Variants in RNF220 observed in about 807,000 individuals in gnomAD.
RNF220 encodes E3 ubiquitin-protein ligase RNF220.
In RNF220, 7 loss-of-function variants were observed where a neutral mutation model predicts 67.1. The ratio of observed to expected loss-of-function variants is 0.10; its 90% CI spans 0.06 to 0.20. The LOEUF is 0.20. RNF220 is among the 10% of genes least tolerant of loss of function. The pLI is 1.00. For synonymous variants in RNF220, 270 were observed against 283.2 expected, an observed-to-expected ratio of 0.95 and a Z score of 0.47; for missense variants, 565 against 740.3, an observed-to-expected ratio of 0.76 and a Z score of 2.75.
chr1:44,494,302 C>A (rs1056952780), intron 2 of RNF220, among the ~76,000 whole-genome samples: 3 of 150,668 alleles, frequency 2.0e-5, no homozygotes, highest in Admixed American at 6.6e-5. Context: ...AGAGACATTA[C>A]GGGGCTAGAC....
In RNF220 at chr1:44,645,551, T is replaced by C; in HGVS notation, c.1445+63T>C. 1 of 1,531,648 alleles carries C rather than the reference T, an allele frequency of 6.5e-7. No individual in the cohort carries two copies. Among genetic ancestry groups the C allele is most frequent in the Non-Finnish European group, 9.0e-7 (1 of 1,113,118 alleles). The allele number at this position is 1,531,648 out of a possible 1,614,324, so 94.9% of individuals were successfully genotyped here. The stretch of plus-strand genomic sequence containing the variant: ...TTCAGTGGGAGGAGGGGCCCTTTGC[T>C]AGCAGGAAGGCCTGCTGCCAGGGCT... On this transcript the variant is annotated intron_variant, in intron 12 of 14. Transcript: ENST00000361799. The surrounding 1 kb of genome is among the most constrained non-coding windows in gnomAD (Gnocchi z 5.0).
At chr1:44,595,810 C>A (rs1558076197) in intron 2 of RNF220, among the ~76,000 whole-genome samples, 1 of 152,080 alleles carries the variant, frequency 6.6e-6, no homozygotes, top group Non-Finnish European at 1.5e-5. Flanking sequence ...GTCGCCCAGG[C>A]TGGAGTGCAG....
At chr1:44,586,953 T>C (rs1665742585) in intron 2 of RNF220, among the ~76,000 whole-genome samples, 1 of 152,076 alleles carries the variant, frequency 6.6e-6, no homozygotes, top group African/African-American at 2.4e-5. Flanking sequence ...ATCATAACAA[T>C]GATAATTAAA....
At chr1:44,408,173 G>T (rs115158920) in intron 1 of RNF220, among the ~76,000 whole-genome samples, 4,853 of 152,222 alleles carry the variant, frequency 0.032, 113 homozygotes, top group Middle Eastern at 0.078. Flanking sequence ...TTCCCTAAAA[G>T]AGTTGATTTT....
In RNF220 at chr1:44,636,042, T is replaced by A. The variant is rs572767325; in HGVS notation, c.1006T>A (p.Cys336Ser). ...KQDEGQREGS[C>S]MAEDDAVDIE... Reference sequence around the variant, plus strand: ...CTGCTCTTCACAGAGGGAAGGCTCCTGCATGGCTGAGGATGATGCTGTGGA... The same window carrying A: ...CTGCTCTTCACAGAGGGAAGGCTCCAGCATGGCTGAGGATGATGCTGTGGA... Residue 336 changes from cysteine (C) to serine (S), a missense_variant, in exon 8 of 15, where the codon TGC becomes AGC. Cys to Ser is a moderately radical substitution (Grantham distance 112, BLOSUM62 -1). Coordinates refer to ENST00000361799, the MANE Select transcript of RNF220 (RefSeq NM_018150.4). The A allele has an allele frequency of 1.9e-6, 3 of 1,614,236 alleles. No homozygotes were observed. The African/African-American group carries it at 4.0e-5, about 22-fold the overall frequency.
In RNF220 at chr1:44,622,691, T is replaced by C. The variant is rs767599537; in HGVS notation, c.759-51T>C. 5 of 1,540,786 alleles carry C rather than the reference T, an allele frequency of 3.2e-6. No individual in the cohort carries two copies. In the East Asian group the frequency reaches 6.7e-5, roughly 21 times the overall value. On this transcript the variant is annotated intron_variant, in intron 3 of 14. Transcript: ENST00000361799. The surrounding 1 kb of genome is among the most constrained non-coding windows in gnomAD (Gnocchi z 4.3). ...GTCTTCTTGCTACTCTACCGTTGCA[T>C]GCCCTGGGCAGCAGGTAGAATGGTT... is the stretch of plus-strand genomic sequence containing the variant.
intron 2 of RNF220, among the ~76,000 whole-genome samples, chr1:44,474,535 C>T (rs925814951): frequency 6.6e-6 from 1 of 151,400 alleles, no homozygotes; most frequent in Non-Finnish European, 1.5e-5. Context: ...ACAGCAAGAC[C>T]CTGTCTCTTC....
intron 2 of RNF220, among the ~76,000 whole-genome samples, chr1:44,414,646 G>A (rs1572419499): frequency 6.6e-6 from 1 of 152,138 alleles, no homozygotes; most frequent in Non-Finnish European, 1.5e-5. Context: ...ACAGGAGTAC[G>A]CCTGGGTGGA....
rs760604843 is a variant in RNF220, at chr1:44,644,682, A to G, written c.1127-16A>G. 9.9e-6 allele frequency: 16 copies of G among 1,611,900 alleles called. No individual in the cohort carries two copies. The South Asian group carries it at 1.6e-4, about 17-fold the overall frequency. ...CGTCTTGTCCCCAGGCCCTCCTCAC[A>G]CCCTGCTTCCCACAGGCTCTGGCTT... On this transcript the variant is annotated splice_polypyrimidine_tract_variant and intron_variant, in intron 8 of 14. Coordinates refer to ENST00000361799, the MANE Select transcript of RNF220 (RefSeq NM_018150.4).
chr1:44,406,645 A>AGCCCCGCCACCGC (rs1302171003), intron 1 of RNF220, among the ~76,000 whole-genome samples: 1 of 152,126 alleles, frequency 6.6e-6, no homozygotes, highest in African/African-American at 2.4e-5. Flanking sequence ...CCCGGAACCC[A>AGCCCCGCCACCGC]GCCCCGCCAC....
intron 2 of RNF220, among the ~76,000 whole-genome samples, chr1:44,571,863 C>T (rs756441533): frequency 6.6e-6 from 1 of 152,184 alleles, no homozygotes; most frequent in Non-Finnish European, 1.5e-5. Flanking sequence ...AATGCCCATC[C>T]AGAAACCTGA....
chr1:44,574,120 A>G (rs1664641417), intron 2 of RNF220, among the ~76,000 whole-genome samples: 1 of 152,206 alleles, frequency 6.6e-6, no homozygotes, highest in Non-Finnish European at 1.5e-5. Context: ...TAAATGAATG[A>G]ATGGATGGAT....
At chr1:44,478,564 A>G (rs1655498152) in intron 2 of RNF220, among the ~76,000 whole-genome samples, 1 of 152,102 alleles carries the variant, frequency 6.6e-6, no homozygotes, top group African/African-American at 2.4e-5. Flanking sequence ...TCTACTAAAA[A>G]TACAAAAATT....
chr1:44,564,441 A>G (rs1663823480), intron 2 of RNF220, among the ~76,000 whole-genome samples: 1 of 152,060 alleles, frequency 6.6e-6, no homozygotes, highest in South Asian at 2.1e-4. Context: ...AGTTAATTCT[A>G]TTGTGCAGCC....
In RNF220 at chr1:44,505,474, C is replaced by T. The variant is rs1658331158; in HGVS notation, c.625+92752C>T. Among the ~76,000 whole-genome samples, 3 of 152,268 alleles carry T rather than the reference C, an allele frequency of 2.0e-5. 1 individual carries two copies. The South Asian group carries it at 6.2e-4, about 31-fold the overall frequency. ...GGACAGGTTGCAGTCAGCATCCGTT[C>T]CATCACGCGTTAACCCCTGCGGCTG... On this transcript the variant is annotated intron_variant, in intron 2 of 14. Coordinates refer to ENST00000361799, the MANE Select transcript of RNF220 (RefSeq NM_018150.4).
At chr1:44,521,562 G>A (rs1659944071) in intron 2 of RNF220, among the ~76,000 whole-genome samples, 1 of 152,154 alleles carries the variant, frequency 6.6e-6, no homozygotes, top group Non-Finnish European at 1.5e-5. Flanking sequence ...CAAGGGTTGG[G>A]CCTCTGTGGG....
chr1:44,412,865 T>A lies in RNF220; in HGVS notation c.625+143T>A, dbSNP rs1648115145. On this transcript the variant is annotated intron_variant, in intron 2 of 14. Transcript: ENST00000361799. The surrounding 1 kb of genome is among the most constrained non-coding windows in gnomAD (Gnocchi z 5.3). ...TTTCACTAGCTGTGGAGTGCTAACCTTTGCTTGTCTCTTATCAGTGAGCAC... is the reference window on the plus strand; with the variant it reads ...TTTCACTAGCTGTGGAGTGCTAACCATTGCTTGTCTCTTATCAGTGAGCAC... The A allele has an allele frequency of 2.1e-6, 2 of 943,920 alleles. No individual in the cohort carries two copies. Among genetic ancestry groups the A allele is most frequent in the South Asian group, 1.7e-5 (1 of 60,124 alleles). The allele number at this position is 943,920 out of a possible 1,614,324, so 58.5% of individuals were successfully genotyped here. A position where few individuals can be genotyped will look rare whatever the true frequency, so the allele number is the denominator to read the frequency against.
chr1:44,479,524 C>G (rs1655608264), intron 2 of RNF220, among the ~76,000 whole-genome samples: 2 of 152,124 alleles, frequency 1.3e-5, no homozygotes, highest in African/African-American at 4.8e-5. Context: ...CTGGGAATGT[C>G]AGGCTGCTGT....
intron 2 of RNF220, among the ~76,000 whole-genome samples, chr1:44,468,055 C>T (rs191747185): frequency 1.3e-4 from 20 of 151,782 alleles, no homozygotes; most frequent in Non-Finnish European, 2.2e-4. Flanking sequence ...GTTCATGGCA[C>T]GCCAGATCAA....
Sources: allele counts gnomAD v4.1 joint callset (sites outside exome capture counted in the v4.1 genomes callset), GRCh38; gene constraint gnomAD v4.1.1; non-coding constraint Gnocchi (gnomAD v3.1); transcripts MANE v1.5; gene names NCBI Gene and HGNC (gene_info 2026-07-23, HGNC 2026-07-21).